Variants in PRUNE2 observed in about 807,000 individuals in gnomAD.
PRUNE2 encodes the protein prune homolog 2 with BCH domain.
Under a neutral mutation model 252.0 loss-of-function variants are expected in PRUNE2, and 164 were observed. The observed-to-expected ratio is 0.65, with a 90% CI of 0.57 to 0.74. PRUNE2 has a LOEUF of 0.74. PRUNE2 is among the 30% of genes least tolerant of loss of function. The probability of loss-of-function intolerance (pLI) is 0.00; values close to 1 mark genes in which losing one functional copy is unlikely to be tolerated. For missense variants in PRUNE2, 3,495 were observed against 3,711.0 expected (o/e 0.94, Z 1.51); for synonymous variants, 1,292 against 1,350.2 (o/e 0.96, Z 0.94).
At chr9:76,846,704 G>C in intron 3 of PRUNE2, 26 bp from the exon 4 acceptor site, 1 of 1,598,938 alleles carries the variant, frequency 6.3e-7, no homozygotes, top group Non-Finnish European at 8.6e-7. Flanking sequence ...AGGGGAGGAA[G>C]AGAAAGGGAT....
chr9:76,667,926 A>C (rs2040510766), intron 9 of PRUNE2, among the ~76,000 whole-genome samples: 1 of 152,226 alleles, frequency 6.6e-6, no homozygotes, highest in Admixed American at 6.5e-5. Context: ...ATGGACAAAA[A>C]TAGGTGGCTG....
At chr9:76,627,294 G>A (rs1587810599) in intron 16 of PRUNE2, among the ~76,000 whole-genome samples, 2 of 82,472 alleles carry the variant, frequency 2.4e-5, no homozygotes, top group African/African-American at 5.3e-5. Flanking sequence ...ATAGAGATGG[G>A]GTGGCGGGGG....
chr9:76,882,370 T>C (rs2061838532), intron 1 of PRUNE2, among the ~76,000 whole-genome samples: 1 of 152,248 alleles, frequency 6.6e-6, no homozygotes, highest in Admixed American at 6.5e-5. Context: ...TTATTCATTT[T>C]GTAACATTTC....
intron 6 of PRUNE2, among the ~76,000 whole-genome samples, chr9:76,808,271 G>A (rs1403414086): frequency 6.6e-6 from 1 of 152,204 alleles, no homozygotes; most frequent in Non-Finnish European, 1.5e-5. Context: ...TGCTTGTGTT[G>A]TCTCTGTCAC....
rs1334602497 is a variant in PRUNE2, at chr9:76,713,697, T to A, written c.781A>T (p.Thr261Ser). Residue 261 changes from threonine to serine, a missense_variant, in exon 7 of 19, where the codon ACC becomes TCC. Thr to Ser is a moderately conservative substitution (Grantham distance 58). Coordinates refer to ENST00000376718, the MANE Select transcript of PRUNE2 (RefSeq NM_015225.3). The part of the protein sequence containing the change: ...LENCLFHSNI[T>S]SDLKAFTDKF... ...TCTGTAAATGCTTTCAAGTCACTGG[T>A]AATATTGCTGTGAAATAGACAATTC... 7 of 1,598,102 alleles carry A rather than the reference T, an allele frequency of 4.4e-6. No individual in the cohort carries two copies. In the African/African-American group the frequency reaches 8.0e-5, roughly 18 times the overall value.
chr9:76,819,393 C>T (rs1354377656), intron 6 of PRUNE2: 6 of 152,180 alleles, frequency 3.9e-5, no homozygotes, highest in African/African-American at 1.4e-4. Context: ...CCAGGTGATG[C>T]TTCTATGCAC....
chr9:76,641,869 G>C lies in PRUNE2; in HGVS notation c.8728+2870C>G, dbSNP rs1034984144. 18 of 1,354,976 alleles carry C rather than the reference G, an allele frequency of 1.3e-5. No individual in the cohort carries two copies. The African/African-American group carries it at 2.7e-4, about 20-fold the overall frequency. 83.9% of individuals were successfully genotyped at this position (1,354,976 alleles called of 1,614,324 possible). A position where few individuals can be genotyped will look rare whatever the true frequency, so the allele number is the denominator to read the frequency against. On this transcript the variant is annotated intron_variant, in intron 12 of 18. Coordinates refer to ENST00000376718, the MANE Select transcript of PRUNE2 (RefSeq NM_015225.3). ...ATGGAATGGAGACAGAAGGAAAGAT[G>C]TCACAGTCGCAACCAAAACATACAC...
At chr9:76,737,921 T>G (rs988206216) in intron 6 of PRUNE2, 2 of 152,246 alleles carry the variant, frequency 1.3e-5, no homozygotes, top group Non-Finnish European at 2.9e-5. Flanking sequence ...CATATTTGCA[T>G]GCATTATTTA....
intron 6 of PRUNE2, among the ~76,000 whole-genome samples, chr9:76,734,691 A>G (rs937751552): frequency 4.6e-5 from 7 of 152,194 alleles, no homozygotes; most frequent in Admixed American, 3.3e-4. Context: ...GAATCCTCCT[A>G]ACTTCATATG....
chr9:76,777,567 C>T (rs556093769), intron 6 of PRUNE2, among the ~76,000 whole-genome samples: 1 of 152,268 alleles, frequency 6.6e-6, no homozygotes, highest in East Asian at 1.9e-4. Context: ...ATTTGTTAGT[C>T]CCAATTTATG....
rs1156518777 is a variant in PRUNE2 at position 76,704,064 on chromosome 9, TTTC to T, written c.7546_7548del (p.Glu2516del). 2 of 1,601,504 alleles carry T rather than the reference TTTC, an allele frequency of 1.2e-6. No homozygotes were observed. Among genetic ancestry groups the T allele is most frequent in the African/African-American group, 1.3e-5 (1 of 74,376 alleles). On this transcript the variant is annotated inframe_deletion, in exon 9 of 19. Coordinates refer to ENST00000376718, the MANE Select transcript of PRUNE2 (RefSeq NM_015225.3). ...TCAGGCTCTTTGGTAGGAATTGTTT[TTTC>T]TTCTTCCAATTCTGATATTTCCTTG...
At chr9:76,734,770 A>G (rs1364880482) in intron 6 of PRUNE2, among the ~76,000 whole-genome samples, 1 of 152,078 alleles carries the variant, frequency 6.6e-6, no homozygotes, top group East Asian at 1.9e-4. Flanking sequence ...GCCTAGCCAT[A>G]CTCTGTTCCA....
chr9:76,814,015 T>C (rs2057526286), intron 6 of PRUNE2, among the ~76,000 whole-genome samples: 1 of 152,188 alleles, frequency 6.6e-6, no homozygotes, highest in Admixed American at 6.5e-5. Flanking sequence ...GGTTTCACCA[T>C]GTTGGCCAGG....
At chr9:76,886,140 C>T (rs142729829) in intron 1 of PRUNE2, among the ~76,000 whole-genome samples, 17,465 of 150,480 alleles carry the variant, frequency 0.12, 1,256 homozygotes, top group East Asian at 0.25. Flanking sequence ...GACCTGAGAT[C>T]GTGCCACTGC....
In PRUNE2 at chr9:76,705,773, C is replaced by A; in HGVS notation, c.6501G>T (p.Val2167=). 6.2e-7 allele frequency: 1 copy of A among 1,613,900 alleles called. No homozygotes were observed. The change falls in exon 8 of 19, where the codon GTG becomes GTT. Residue 2167 remains valine, a synonymous_variant. Coordinates refer to ENST00000376718, the MANE Select transcript of PRUNE2 (RefSeq NM_015225.3). ...CTGCTTGATAGCCAATTGGAGGCAG[C>A]ACAGTTGCGTTTTCAGAATCGAGTT... ...NAELDSENAT[V]LPPIGYQADI...
chr9:76,634,327 A>G (rs892524793), intron 15 of PRUNE2, among the ~76,000 whole-genome samples: 1 of 152,236 alleles, frequency 6.6e-6, no homozygotes, highest in Non-Finnish European at 1.5e-5. Flanking sequence ...GCCTTACAGT[A>G]ACAAATGTTT....
chr9:76,703,293 A>C, intron 9 of PRUNE2, 44 bp downstream of exon 9: 5 of 1,514,822 alleles, frequency 3.3e-6, no homozygotes, highest in Non-Finnish European at 4.4e-6. Context: ...GTTTCTAAAT[A>C]AATTGCTTTT....
chr9:76,689,114 C>T lies in PRUNE2; in HGVS notation c.8276+14223G>A, dbSNP rs575393543. Reference sequence around the variant, plus strand: ...CCTTCACAGCCATTTATTTTACTCTCTCCTCCCCACACTAGAGTGAGGAGA... The same window carrying T: ...CCTTCACAGCCATTTATTTTACTCTTTCCTCCCCACACTAGAGTGAGGAGA... On this transcript the variant is annotated intron_variant, in intron 9 of 18. Coordinates refer to ENST00000376718, the MANE Select transcript of PRUNE2 (RefSeq NM_015225.3). Among the ~76,000 whole-genome samples, 79 of 152,270 alleles carry T rather than the reference C, an allele frequency of 5.2e-4. 1 individual carries two copies. The highest frequency in any genetic ancestry group is 1.9e-4 in the Non-Finnish European group (13 of 68,026).
In PRUNE2 at chr9:76,612,768, C is replaced by G. The variant is rs572710259; in HGVS notation, c.*1802G>C. On this transcript the variant is annotated 3_prime_UTR_variant, in exon 19 of 19. Coordinates refer to ENST00000376718, the MANE Select transcript of PRUNE2 (RefSeq NM_015225.3). The stretch of plus-strand genomic sequence containing the variant: ...GTGTGTGTGGGCACGTGCGGAAGGA[C>G]GGGAGGAGACAGAGGTGAAGCAATG... 6.6e-6 allele frequency: 1 copy of G among 152,266 alleles called. No homozygotes were observed. The highest frequency in any genetic ancestry group is 1.5e-5 in the Non-Finnish European group (1 of 68,160). The allele number at this position is 152,266 out of a possible 1,614,324, so 9.4% of individuals were successfully genotyped here. A position where few individuals can be genotyped will look rare whatever the true frequency, so the allele number is the denominator to read the frequency against.
Sources: allele counts gnomAD v4.1 joint callset (sites outside exome capture counted in the v4.1 genomes callset), GRCh38; gene constraint gnomAD v4.1.1; transcripts MANE v1.5; gene names NCBI Gene and HGNC (gene_info 2026-07-23, HGNC 2026-07-21).